The following BICC1 variants were observed in gnomAD, a reference collection of about 807,000 sequenced individuals.
The protein encoded by BICC1 is protein bicaudal C homolog 1.
BICC1 carries 43 observed loss-of-function variants against 111.0 expected under a neutral mutation model. The observed-to-expected ratio is 0.39, with a 90% CI of 0.30 to 0.50. BICC1 has a LOEUF of 0.50. Ranked by LOEUF, BICC1 falls within the 20% of genes least tolerant of loss-of-function variation. The pLI is 0.88. For synonymous variants in BICC1, 467 were observed against 434.4 expected, an observed-to-expected ratio of 1.07 and a Z score of -0.93; for missense variants, 1,091 against 1,203.2, an observed-to-expected ratio of 0.91 and a Z score of 1.38.
chr10:58,571,165 A>C (rs1012992627), intron 1 of BICC1, among the ~76,000 whole-genome samples: 2 of 152,196 alleles, frequency 1.3e-5, no homozygotes, highest in Non-Finnish European at 2.9e-5. Context: ...CATGCTGACC[A>C]GTTCTGAATG....
intron 1 of BICC1, among the ~76,000 whole-genome samples, chr10:58,609,171 A>C (rs187780208): frequency 5.3e-5 from 8 of 152,328 alleles, no homozygotes; most frequent in African/African-American, 1.9e-4. Flanking sequence ...CCAAAGCTGG[A>C]TATTAAGGAA....
chr10:58,621,185 A>T (rs964822118), intron 2 of BICC1, among the ~76,000 whole-genome samples: 1 of 152,204 alleles, frequency 6.6e-6, no homozygotes, highest in African/African-American at 2.4e-5. Flanking sequence ...TGTGGCATTC[A>T]CACTTCATTT....
chr10:58,636,124 ACT>A (rs1484194198), intron 2 of BICC1, among the ~76,000 whole-genome samples: 4 of 152,156 alleles, frequency 2.6e-5, no homozygotes, highest in Admixed American at 6.5e-5. Flanking sequence ...GGGTGAAGTA[ACT>A]CTGTAGAATT....
At chr10:58,634,063 C>T (rs1213534514) in intron 2 of BICC1, among the ~76,000 whole-genome samples, 9 of 143,646 alleles carry the variant, frequency 6.3e-5, no homozygotes, top group Non-Finnish European at 3.0e-5. Flanking sequence ...GGCGCAATGT[C>T]AGCTCACTGC....
At chr10:58,680,212 A>G (rs377504080) in intron 2 of BICC1, among the ~76,000 whole-genome samples, 1 of 152,198 alleles carries the variant, frequency 6.6e-6, no homozygotes, top group African/African-American at 2.4e-5. Context: ...CAGGCATTCA[A>G]ATAGGAAGAG....
At chr10:58,690,380 C>T (rs1371893138) in intron 2 of BICC1, among the ~76,000 whole-genome samples, 1 of 152,224 alleles carries the variant, frequency 6.6e-6, no homozygotes, top group Non-Finnish European at 1.5e-5. Flanking sequence ...ACTGAAGGGA[C>T]CATGGATTCC....
chr10:58,521,046 T>G (rs1269574785), intron 1 of BICC1, among the ~76,000 whole-genome samples: 1 of 152,140 alleles, frequency 6.6e-6, no homozygotes, highest in East Asian at 1.9e-4. Flanking sequence ...GAATCATAAG[T>G]ATTTTCTGTT....
At chr10:58,801,184 A>G (rs1843536284) in intron 14 of BICC1, 138 bp downstream of exon 14, 1 of 720,896 alleles carries the variant, frequency 1.4e-6, no homozygotes, top group South Asian at 3.5e-5. Context: ...TTTTTTAAAA[A>G]AAATATTAAG....
At chr10:58,557,832 A>AT in intron 1 of BICC1, among the ~76,000 whole-genome samples, 1 of 151,688 alleles carries the variant, frequency 6.6e-6, no homozygotes, top group African/African-American at 2.4e-5. Context: ...CAGTTAATTG[A>AT]TTTTTCTTCT....
intron 2 of BICC1, among the ~76,000 whole-genome samples, 197 bp from the exon 3 acceptor site, chr10:58,701,877 T>C (rs1840246945): frequency 6.6e-6 from 1 of 152,148 alleles, no homozygotes; most frequent in Non-Finnish European, 1.5e-5. Context: ...TTTGAATATT[T>C]CTAATAGATT....
chr10:58,720,147 C>T (rs1840894260), intron 3 of BICC1, among the ~76,000 whole-genome samples: 1 of 152,214 alleles, frequency 6.6e-6, no homozygotes, highest in Admixed American at 6.5e-5. Flanking sequence ...CAGTCCAAAC[C>T]TGGCCTTTAG....
At chr10:58,740,349 C>T (rs1179923128) in intron 3 of BICC1, among the ~76,000 whole-genome samples, 1 of 152,170 alleles carries the variant, frequency 6.6e-6, no homozygotes, top group South Asian at 2.1e-4. Context: ...ATTTTGGAAA[C>T]TTATCAGAGT....
chr10:58,807,205 CA>C lies in BICC1; in HGVS notation c.2376+51del, dbSNP rs757076934. On this transcript the variant is annotated intron_variant, in intron 17 of 20. Transcript: ENST00000373886. ...TCATTCTTCCTGTCTGTTCTTTCAG[CA>C]AAAGAGGACAGTCCTTCCCCCACCC... The C allele has an allele frequency of 3.9e-6, 6 of 1,554,710 alleles. No homozygotes were observed. In the African/African-American group the frequency reaches 6.8e-5, roughly 18 times the overall value.
intron 1 of BICC1, among the ~76,000 whole-genome samples, chr10:58,548,157 A>G (rs1368005472): frequency 6.6e-6 from 1 of 152,230 alleles, no homozygotes; most frequent in African/African-American, 2.4e-5. Context: ...CTGTTACCAC[A>G]TGGCTCATTG....
intron 2 of BICC1, among the ~76,000 whole-genome samples, chr10:58,673,908 G>A (rs1175568931): frequency 6.6e-6 from 1 of 151,918 alleles, no homozygotes; most frequent in Non-Finnish European, 1.5e-5. Context: ...TGGGATTACA[G>A]GTATGAGCCA....
intron 7 of BICC1, 47 bp from the exon 8 acceptor site, chr10:58,789,635 G>T: frequency 1.2e-6 from 2 of 1,602,308 alleles, no homozygotes; most frequent in South Asian, 2.2e-5. Context: ...CCCCGTATAT[G>T]AACAGTTAAT....
intron 1 of BICC1, among the ~76,000 whole-genome samples, chr10:58,533,670 T>G (rs1354328632): frequency 1.3e-5 from 2 of 151,766 alleles, no homozygotes; most frequent in Non-Finnish European, 2.9e-5. Context: ...ATGCCTGCCT[T>G]ATAAGAATTG....
At chr10:58,710,663 T>A (rs1372679602) in intron 3 of BICC1, among the ~76,000 whole-genome samples, 1 of 152,080 alleles carries the variant, frequency 6.6e-6, no homozygotes, top group African/African-American at 2.4e-5. Context: ...TTTGAAAAAA[T>A]GAATTTGGAA....
At chr10:58,579,246 G>A (rs1230152012) in intron 1 of BICC1, among the ~76,000 whole-genome samples, 3 of 152,180 alleles carry the variant, frequency 2.0e-5, no homozygotes, top group African/African-American at 7.2e-5. Flanking sequence ...TGAAACTGAA[G>A]CTCAGTGGGT....
Sources: gnomAD v4.1 joint callset for allele counts (sites outside exome capture counted in the v4.1 genomes callset) on GRCh38, gnomAD v4.1.1 for gene constraint, MANE v1.5 for transcripts, NCBI Gene and HGNC (gene_info 2026-07-23, HGNC 2026-07-21) for gene names.